Variants in CPNE5 observed in about 807,000 individuals in gnomAD.
CPNE5 encodes the protein copine 5, also known as copine-5.
Under a neutral mutation model 81.1 loss-of-function variants are expected in CPNE5, and 42 were observed. The observed-to-expected ratio is 0.52, with a 90% CI of 0.40 to 0.67. The LOEUF is 0.67. Among genes scored for constraint, CPNE5 ranks in the 30% least tolerant of loss-of-function variants. CPNE5 has a pLI of 0.00. For synonymous variants in CPNE5, 313 were observed against 321.5 expected (o/e 0.97, Z 0.28); for missense variants, 612 against 815.5 (o/e 0.75, Z 3.04).
rs1377650286 is a variant in CPNE5 at position 36,746,008 on chromosome 6, G to T, written c.1200+388C>A. On this transcript the variant is annotated intron_variant, in intron 16 of 20. Coordinates refer to ENST00000244751, the MANE Select transcript of CPNE5 (RefSeq NM_020939.2). The surrounding 1 kb of genome is among the most constrained non-coding windows in gnomAD (Gnocchi z 4.5). ...ACAGGGCCCGGGATGCCCAGATGAC[G>T]CCATGCTCCACATCACCCTGGAGAT... The T allele has an allele frequency of 8.6e-6, 2 of 231,886 alleles. No homozygotes were observed. Among genetic ancestry groups the T allele is most frequent in the African/African-American group, 2.3e-5 (1 of 42,868 alleles). The allele number at this position is 231,886 out of a possible 1,614,324, so 14.4% of individuals were successfully genotyped here.
In CPNE5 at chr6:36,780,167, G is replaced by A. The variant is rs1767912658; in HGVS notation, c.529-1210C>T. 2.0e-5 allele frequency among the ~76,000 whole-genome samples: 3 copies of A among 152,056 alleles called. No homozygotes were observed. In the South Asian group the frequency reaches 6.2e-4, roughly 32 times the overall value. On this transcript the variant is annotated intron_variant, in intron 8 of 20. Transcript: ENST00000244751. ...TTTAGTAGAGATGGGGTTTCACTGT[G>A]TTAGCCAAGATGGTCTCGATATTCT...
chr6:36,822,064 G>GCAGA, intron 3 of CPNE5, 50 bp downstream of exon 3: 1 of 1,470,108 alleles, frequency 6.8e-7, no homozygotes, highest in Non-Finnish European at 9.1e-7. Context: ...AGACAGACAG[G>GCAGA]CAGACAGGAA....
intron 9 of CPNE5, among the ~76,000 whole-genome samples, chr6:36,777,096 G>A (rs1767576689): frequency 2.0e-5 from 3 of 152,154 alleles, no homozygotes; most frequent in South Asian, 4.1e-4. Flanking sequence ...AAACTCCCAT[G>A]ACCTCCCGGG....
Position 36,766,240 on chromosome 6 carries a change from C to G in CPNE5, c.738-864G>C, listed in dbSNP as rs545301178. Among the ~76,000 whole-genome samples the G allele has an allele frequency of 3.5e-4, 53 of 152,244 alleles. 1 individual carries two copies. The South Asian group carries it at 9.5e-3, about 27-fold the overall frequency. ...AGTGGGGTGCAGAGAGGCAGCTCCC[C>G]GGGCCTATCTTTGTTAACATCCCAT... On this transcript the variant is annotated intron_variant, in intron 10 of 20. Transcript: ENST00000244751. The surrounding 1 kb of genome is among the most constrained non-coding windows in gnomAD (Gnocchi z 4.2).
rs1766591850 is a variant in CPNE5, at chr6:36,766,674, A to G, written c.738-1298T>C. 6.6e-6 allele frequency among the ~76,000 whole-genome samples: 1 copy of G among 152,072 alleles called. No homozygotes were observed. Among genetic ancestry groups the G allele is most frequent in the Non-Finnish European group, 1.5e-5 (1 of 68,014 alleles). ...TTGGACCTGGGCCCCTCACTATGGGACCTGAGATGTCACTTAATCTCCCCG... is the reference window on the plus strand; with the variant it reads ...TTGGACCTGGGCCCCTCACTATGGGGCCTGAGATGTCACTTAATCTCCCCG... On this transcript the variant is annotated intron_variant, in intron 10 of 20. Coordinates refer to ENST00000244751, the MANE Select transcript of CPNE5 (RefSeq NM_020939.2). The surrounding 1 kb of genome is among the most constrained non-coding windows in gnomAD (Gnocchi z 4.2).
At chr6:36,797,284 C>T (rs111608264) in intron 6 of CPNE5, among the ~76,000 whole-genome samples, 7 of 152,392 alleles carry the variant, frequency 4.6e-5, no homozygotes, top group African/African-American at 9.6e-5. Context: ...CTCCCTTTCC[C>T]GGCCGCTTTG....
intron 14 of CPNE5, among the ~76,000 whole-genome samples, chr6:36,750,691 G>A (rs1019443029): frequency 2.0e-5 from 3 of 152,192 alleles, no homozygotes; most frequent in Admixed American, 6.5e-5. Flanking sequence ...AATGTAGAAC[G>A]CATGTCTTTG....
chr6:36,746,497 C>T lies in CPNE5; in HGVS notation c.1099G>A (p.Gly367Arg), dbSNP rs1764182589. The T allele has an allele frequency of 4.3e-6, 7 of 1,613,800 alleles. No individual in the cohort carries two copies. The highest frequency in any genetic ancestry group is 5.9e-6 in the Non-Finnish European group (7 of 1,179,816). Residue 367 changes from glycine (G) to arginine (R), a missense_variant, in exon 16 of 21, where the codon GGA (glycine) becomes AGA (arginine). By Grantham distance (125) the Gly-to-Arg change is moderately radical. Coordinates refer to ENST00000244751, the MANE Select transcript of CPNE5 (RefSeq NM_020939.2). The surrounding 1 kb of genome is among the most constrained non-coding windows in gnomAD (Gnocchi z 4.5). ...CTGTCGTAGTGCTGGATGATCTCTC[C>T]GACGGCAGTCAGCGCCAGCGCGTAG... ...NAYALALTAV[G>R]EIIQHYDSDK...
At position 36,777,759 on chromosome 6, in the gene CPNE5, C is replaced by G. The variant is rs1423124178; in HGVS notation, c.632+1095G>C. On this transcript the variant is annotated intron_variant, in intron 9 of 20. Transcript: ENST00000244751. Reference sequence around the variant, plus strand: ...CCTCGCTGCTCCCCTGCCTACCCCCCCCCCCACCACACACACACACACACA... The same window carrying G: ...CCTCGCTGCTCCCCTGCCTACCCCCGCCCCCACCACACACACACACACACA... Among the ~76,000 whole-genome samples the G allele has an allele frequency of 4.6e-5, 3 of 64,536 alleles. 1 individual carries two copies. Among genetic ancestry groups the G allele is most frequent in the Non-Finnish European group, 9.6e-5 (3 of 31,208 alleles). The allele number at this position is 64,536 out of a possible 152,430, so 42.3% of individuals were successfully genotyped here.
intron 19 of CPNE5, 62 bp from the exon 20 acceptor site, chr6:36,743,824 G>C: frequency 7.1e-7 from 1 of 1,412,342 alleles, no homozygotes; most frequent in Non-Finnish European, 9.9e-7. Flanking sequence ...GGCCCTAGCA[G>C]GAGAGTGGAC....
At chr6:36,800,997 G>C (rs1770054390) in intron 3 of CPNE5, among the ~76,000 whole-genome samples, 1 of 152,188 alleles carries the variant, frequency 6.6e-6, no homozygotes, top group African/African-American at 2.4e-5. Flanking sequence ...CACCTTCACT[G>C]TGACCTTGTG....
chr6:36,823,048 C>G lies in CPNE5; in HGVS notation c.136+10G>C. The G allele has an allele frequency of 6.4e-7, 1 of 1,569,880 alleles. No individual in the cohort carries two copies. The highest frequency in any genetic ancestry group is 1.8e-5 in the Admixed American group (1 of 55,560). On this transcript the variant is annotated intron_variant, in intron 2 of 20. Coordinates refer to ENST00000244751, the MANE Select transcript of CPNE5 (RefSeq NM_020939.2). ...ATTGTTACCGTTCTTATTGTCAGAG[C>G]AGGACTTACGTGGGTCGGACTTGGA...
intron 6 of CPNE5, among the ~76,000 whole-genome samples, chr6:36,795,877 T>G (rs1017872028): frequency 6.6e-6 from 1 of 152,104 alleles, no homozygotes; most frequent in East Asian, 1.9e-4. Context: ...TAAACTAAGA[T>G]ATGTGAAATC....
intron 3 of CPNE5, among the ~76,000 whole-genome samples, chr6:36,817,080 C>T (rs1000970865): frequency 4.6e-5 from 7 of 152,218 alleles, no homozygotes; most frequent in Non-Finnish European, 8.8e-5. Flanking sequence ...AATCCCAGCA[C>T]TTTGGGAGGC....
In CPNE5 at chr6:36,834,278, A is replaced by AG. The variant is rs1362510320; in HGVS notation, c.95+5004dup. ...TCAAAAAAAAAAAAAAAAAAAAAAA[A>AG]GGAAGGAAGGGAGGGAGGGAGGGAG... On this transcript the variant is annotated intron_variant, in intron 1 of 20. Coordinates refer to ENST00000244751, the MANE Select transcript of CPNE5 (RefSeq NM_020939.2). Among the ~76,000 whole-genome samples the AG allele has an allele frequency of 5.6e-4, 51 of 91,716 alleles. 1 individual carries two copies. The highest frequency in any genetic ancestry group is 2.1e-3 in the African/African-American group (47 of 22,044). 60.2% of individuals were successfully genotyped at this position (91,716 alleles called of 152,430 possible).
intron 10 of CPNE5, among the ~76,000 whole-genome samples, chr6:36,773,301 C>T (rs1767208772): frequency 6.6e-6 from 1 of 152,230 alleles, no homozygotes; most frequent in Non-Finnish European, 1.5e-5. Flanking sequence ...CTGCAGCAAT[C>T]ACCAGGAGAC....
rs866050855 is a variant in CPNE5, at chr6:36,779,973, T to G, written c.529-1016A>C. On this transcript the variant is annotated intron_variant, in intron 8 of 20. Coordinates refer to ENST00000244751, the MANE Select transcript of CPNE5 (RefSeq NM_020939.2). ...CTCACACATCCCCCCTTCCTATTTT[T>G]TTTTTTTTTTGAGACGGTGTCTCAC... Among the ~76,000 whole-genome samples the G allele has an allele frequency of 3.5e-3, 524 of 151,594 alleles. 6 individuals carry two copies. Among genetic ancestry groups the G allele is most frequent in the African/African-American group, 0.012 (497 of 41,376 alleles).
chr6:36,782,863 A>ACACG (rs1554201793), intron 8 of CPNE5, among the ~76,000 whole-genome samples: 1 of 147,966 alleles, frequency 6.8e-6, no homozygotes, highest in Non-Finnish European at 1.5e-5. Context: ...ACACACACAC[A>ACACG]CACACAAAAC....
intron 8 of CPNE5, among the ~76,000 whole-genome samples, chr6:36,782,891 G>A (rs898688859): frequency 2.0e-5 from 3 of 147,200 alleles, no homozygotes; most frequent in African/African-American, 7.7e-5. Flanking sequence ...AGGAGCCAAG[G>A]GCCACCTGGT....
Sources: gnomAD v4.1 joint callset for allele counts (sites outside exome capture counted in the v4.1 genomes callset) on GRCh38, gnomAD v4.1.1 for gene constraint, Gnocchi (gnomAD v3.1) non-coding constraint, MANE v1.5 for transcripts, NCBI Gene and HGNC (gene_info 2026-07-23, HGNC 2026-07-21) for gene names.